The following MCTP1 variants were observed in gnomAD, a reference collection of about 807,000 sequenced individuals.
The protein encoded by MCTP1 is multiple C2 and transmembrane domain-containing protein 1.
A neutral mutation model predicts 120.6 loss-of-function variants in MCTP1; 69 were observed. The ratio of observed to expected loss-of-function variants is 0.57; its 90% CI spans 0.47 to 0.70. MCTP1 has a LOEUF of 0.70. Ranked by LOEUF, MCTP1 falls within the 30% of genes least tolerant of loss-of-function variation. MCTP1 has a pLI of 0.00. For missense variants in MCTP1, 1,203 were observed against 1,248.8 expected (o/e 0.96, Z 0.55); for synonymous variants, 529 against 493.1 (o/e 1.07, Z -0.96).
intron 17 of MCTP1, among the ~76,000 whole-genome samples, chr5:94,835,507 G>C (rs1561717874): frequency 6.6e-6 from 1 of 152,154 alleles, no homozygotes; most frequent in Non-Finnish European, 1.5e-5. Flanking sequence ...TCTGGGCTTT[G>C]TTGTCCTCAT....
At chr5:95,006,031 C>T (rs965074119) in intron 2 of MCTP1, among the ~76,000 whole-genome samples, 2 of 152,070 alleles carry the variant, frequency 1.3e-5, no homozygotes, top group African/African-American at 4.8e-5. Context: ...ATTTAACATG[C>T]ACATCTTTGG....
At chr5:94,781,118 G>A (rs1426325508) in intron 18 of MCTP1, among the ~76,000 whole-genome samples, 1 of 124,102 alleles carries the variant, frequency 8.1e-6, no homozygotes, top group African/African-American at 3.2e-5. Context: ...TTATCTTTTA[G>A]ATTTAAATGA....
At chr5:95,097,206 C>A (rs1756338786) in intron 1 of MCTP1, among the ~76,000 whole-genome samples, 1 of 151,476 alleles carries the variant, frequency 6.6e-6, no homozygotes, top group African/African-American at 2.4e-5. Context: ...CAAAAACAAG[C>A]CTATAAACAA....
chr5:94,813,222 C>T (rs1434880295), intron 17 of MCTP1, among the ~76,000 whole-genome samples: 1 of 152,084 alleles, frequency 6.6e-6, no homozygotes, highest in Non-Finnish European at 1.5e-5. Flanking sequence ...AAAAGATGTT[C>T]AAAATCATTA....
chr5:94,959,285 A>G (rs1299638100), intron 2 of MCTP1, among the ~76,000 whole-genome samples: 1 of 152,052 alleles, frequency 6.6e-6, no homozygotes, highest in Non-Finnish European at 1.5e-5. Context: ...ATAATAAGAG[A>G]TATTTATGAG....
At chr5:95,000,660 G>C (rs1370024525) in intron 2 of MCTP1, among the ~76,000 whole-genome samples, 1 of 152,122 alleles carries the variant, frequency 6.6e-6, no homozygotes, top group Non-Finnish European at 1.5e-5. Context: ...TAATATGTTT[G>C]TGTTTTCAGC....
intron 1 of MCTP1, among the ~76,000 whole-genome samples, chr5:95,065,792 G>C (rs914955195): frequency 2.6e-5 from 4 of 152,134 alleles, no homozygotes; most frequent in Non-Finnish European, 2.9e-5. Flanking sequence ...ATGATGCTGG[G>C]AAATTGAGTA....
rs865979712 is a variant in MCTP1, at chr5:94,936,129, T to A, written c.1173+3955A>T. Among the ~76,000 whole-genome samples the A allele has an allele frequency of 7.9e-5, 12 of 152,120 alleles. No individual in the cohort carries two copies. The South Asian group carries it at 2.5e-3, about 32-fold the overall frequency. ...GCAATAAGGCTTGATTTCAAGCAGA[T>A]TATCATTAATATACTAATTTTAAGA... On this transcript the variant is annotated intron_variant, in intron 5 of 22. Transcript: ENST00000515393.
chr5:94,877,491 A>G (rs994007272), intron 12 of MCTP1: 6 of 152,234 alleles, frequency 3.9e-5, no homozygotes, highest in African/African-American at 9.6e-5. Context: ...TTTAAAGCAT[A>G]TATTCTATTG....
chr5:94,957,254 C>T (rs1822871975), intron 2 of MCTP1, among the ~76,000 whole-genome samples: 1 of 152,094 alleles, frequency 6.6e-6, no homozygotes, highest in African/African-American at 2.4e-5. Flanking sequence ...CTTACAAGAG[C>T]TCCTGAAAGA....
In MCTP1 at chr5:95,057,910, C is replaced by T. The variant is rs371969829; in HGVS notation, c.721-40426G>A. Among the ~76,000 whole-genome samples the T allele has an allele frequency of 7.2e-5, 11 of 152,254 alleles. No homozygotes were observed. The South Asian group carries it at 1.5e-3, about 20-fold the overall frequency. Reference sequence around the variant, plus strand: ...CATCCTCTGAACAACATTTACTCTCCGTCTCCATTTCATAGAACTTATTCC... The same window carrying T: ...CATCCTCTGAACAACATTTACTCTCTGTCTCCATTTCATAGAACTTATTCC... On this transcript the variant is annotated intron_variant, in intron 1 of 22. Transcript: ENST00000515393.
intron 1 of MCTP1, among the ~76,000 whole-genome samples, chr5:95,209,884 T>C (rs1279639885): frequency 6.6e-6 from 1 of 152,202 alleles, no homozygotes; most frequent in Non-Finnish European, 1.5e-5. Context: ...TTTGTTCTTG[T>C]TGGTTTCAAA....
intron 1 of MCTP1, among the ~76,000 whole-genome samples, chr5:95,044,711 TC>T (rs924014096): frequency 2.0e-5 from 3 of 151,862 alleles, no homozygotes; most frequent in Non-Finnish European, 2.9e-5. Context: ...ATCTTCCTCT[TC>T]CTTTCCCCCT....
At chr5:94,749,500 C>A (rs979182239) in intron 19 of MCTP1, among the ~76,000 whole-genome samples, 4 of 151,712 alleles carry the variant, frequency 2.6e-5, no homozygotes, top group African/African-American at 9.7e-5. Context: ...ACTAAAAATA[C>A]AAAAATTAGC....
Position 94,994,928 on chromosome 5 carries a change from G to T in MCTP1, c.838+22439C>A, listed in dbSNP as rs138593645. ...AAGTTCTTCAGCTTTTAGACTCTTG[G>T]ATCTACACCAGTGTTTTGCCAGGGG... is the stretch of plus-strand genomic sequence containing the variant. On this transcript the variant is annotated intron_variant, in intron 2 of 22. Coordinates refer to ENST00000515393, the MANE Select transcript of MCTP1 (RefSeq NM_024717.7). Among the ~76,000 whole-genome samples the T allele has an allele frequency of 3.2e-3, 486 of 150,886 alleles. 1 individual carries two copies. Among genetic ancestry groups the T allele is most frequent in the African/African-American group, 0.012 (473 of 41,010 alleles).
chr5:94,893,752 T>TA (rs1803222016), intron 11 of MCTP1, among the ~76,000 whole-genome samples: 1 of 152,198 alleles, frequency 6.6e-6, no homozygotes, highest in African/African-American at 2.4e-5. Context: ...CAAATAGGAA[T>TA]ATTTTAAAGT....
chr5:95,157,308 G>A (rs1404386277), intron 1 of MCTP1, among the ~76,000 whole-genome samples: 5 of 152,108 alleles, frequency 3.3e-5, no homozygotes, highest in Non-Finnish European at 7.4e-5. Flanking sequence ...ATAGAAGAGG[G>A]TACTGCTATA....
chr5:95,044,934 G>A (rs1842925204), intron 1 of MCTP1, among the ~76,000 whole-genome samples: 1 of 152,084 alleles, frequency 6.6e-6, no homozygotes, highest in African/African-American at 2.4e-5. Flanking sequence ...AGCAGCTGAA[G>A]TGATCGTCAA....
chr5:95,202,373 A>C, intron 1 of MCTP1, among the ~76,000 whole-genome samples: 1 of 152,182 alleles, frequency 6.6e-6, no homozygotes, highest in East Asian at 1.9e-4. Flanking sequence ...TTTGGACTTA[A>C]ACTGAGCCAC....
Sources: allele counts gnomAD v4.1 joint callset (sites outside exome capture counted in the v4.1 genomes callset), GRCh38; gene constraint gnomAD v4.1.1; transcripts MANE v1.5; gene names NCBI Gene and HGNC (gene_info 2026-07-23, HGNC 2026-07-21).